The following TMEM161B variants were observed in gnomAD, a reference collection of about 807,000 sequenced individuals.
The protein encoded by TMEM161B is transmembrane protein 161B.
Under a neutral mutation model 61.8 loss-of-function variants are expected in TMEM161B, and 34 were observed. That is an observed-to-expected ratio of 0.55 (90% CI 0.42 to 0.73). The LOEUF (loss-of-function observed/expected upper bound fraction) is 0.73, where lower values mean the gene tolerates loss of function less well. Ranked by LOEUF, TMEM161B falls within the 30% of genes least tolerant of loss-of-function variation. The pLI is 0.00. For missense variants in TMEM161B, 456 were observed against 558.5 expected, an observed-to-expected ratio of 0.82 and a Z score of 1.85; for synonymous variants, 167 against 192.8, an observed-to-expected ratio of 0.87 and a Z score of 1.11.
At chr5:88,209,285 T>C (rs1163485865) in intron 5 of TMEM161B, among the ~76,000 whole-genome samples, 1 of 152,198 alleles carries the variant, frequency 6.6e-6, no homozygotes. Flanking sequence ...TGATCTCTCA[T>C]AGCCTAAATG....
chr5:88,233,830 C>A (rs1458194256), intron 2 of TMEM161B, among the ~76,000 whole-genome samples: 2 of 151,920 alleles, frequency 1.3e-5, no homozygotes, highest in Non-Finnish European at 2.9e-5. Context: ...GTAAAAGTGA[C>A]AGGGCAACTA....
At chr5:88,185,755 C>T (rs1291676036), downstream of TMEM161B, among the ~76,000 whole-genome samples, 2 of 151,960 alleles carry the variant, frequency 1.3e-5, no homozygotes, top group Non-Finnish European at 2.9e-5. Context: ...AAATTGAAAA[C>T]ATAGCATAGC....
intron 5 of TMEM161B, among the ~76,000 whole-genome samples, chr5:88,216,092 T>C (rs996323555): frequency 3.3e-5 from 5 of 152,060 alleles, no homozygotes; most frequent in Admixed American, 2.6e-4. Flanking sequence ...ACCCCATCTC[T>C]ATAAAAATTA....
Position 88,268,777 on chromosome 5 carries a change from A to G in TMEM161B, c.-54T>C. 1 of 1,613,584 alleles carries G rather than the reference A, an allele frequency of 6.2e-7. No individual in the cohort carries two copies. Among genetic ancestry groups the G allele is most frequent in the Non-Finnish European group, 8.5e-7 (1 of 1,179,720 alleles). On this transcript the variant is annotated 5_prime_UTR_variant, in exon 1 of 12. Coordinates refer to ENST00000296595, the MANE Select transcript of TMEM161B (RefSeq NM_153354.5). ...ACCCTGGAGTTGCCGGGGCAGTCCC[A>G]AACCTCTTACCTCCCGGTCCTTGAG...
chr5:88,186,773 A>AT (rs1274019965), downstream of TMEM161B, among the ~76,000 whole-genome samples: 1 of 151,998 alleles, frequency 6.6e-6, no homozygotes, highest in Non-Finnish European at 1.5e-5. Context: ...CTAAAAAAAA[A>AT]AATTAGCCAC....
At chr5:88,222,500 G>C (rs1011787843) in intron 4 of TMEM161B, among the ~76,000 whole-genome samples, 1 of 151,658 alleles carries the variant, frequency 6.6e-6, no homozygotes, top group African/African-American at 2.4e-5. Flanking sequence ...CCCATACTGG[G>C]CTTTCATCTG....
downstream of TMEM161B, among the ~76,000 whole-genome samples, chr5:88,193,262 C>T (rs1414483956): frequency 6.6e-6 from 1 of 151,970 alleles, no homozygotes; most frequent in Admixed American, 6.6e-5. Flanking sequence ...AATAAATTGT[C>T]GCAATCCTAC....
At chr5:88,241,801 C>T (rs940150799) in intron 1 of TMEM161B, among the ~76,000 whole-genome samples, 1 of 151,770 alleles carries the variant, frequency 6.6e-6, no homozygotes, top group African/African-American at 2.4e-5. Context: ...CTTCAAACGT[C>T]TAACTCTCCA....
At chr5:88,229,385 C>T (rs867403845) in intron 2 of TMEM161B, among the ~76,000 whole-genome samples, 28 of 152,222 alleles carry the variant, frequency 1.8e-4, no homozygotes, top group Middle Eastern at 3.4e-3. Context: ...AGTGTATCTT[C>T]CTCTGAACAT....
At position 88,261,730 on chromosome 5, in the gene TMEM161B, C is replaced by CAAA. The variant is rs70996464; in HGVS notation, c.3+6988_3+6990dup. Among the ~76,000 whole-genome samples the CAAA allele has an allele frequency of 5.0e-3, 247 of 49,268 alleles. 8 individuals are homozygous for CAAA. Among genetic ancestry groups the CAAA allele is most frequent in the Non-Finnish European group, 5.9e-3 (169 of 28,694 alleles). The allele number at this position is 49,268 out of a possible 152,430, so 32.3% of individuals were successfully genotyped here. ...ACTGAAACAACTAGACATTCATGTGCAAAAAAAAAAAAAAAAAAAAAGACT... is the reference window on the plus strand; with the variant it reads ...ACTGAAACAACTAGACATTCATGTGCAAAAAAAAAAAAAAAAAAAAAAAAGACT... On this transcript the variant is annotated intron_variant, in intron 1 of 11. Transcript: ENST00000296595.
chr5:88,262,953 T>A (rs1321685293), intron 1 of TMEM161B, among the ~76,000 whole-genome samples: 1 of 152,176 alleles, frequency 6.6e-6, no homozygotes, highest in Non-Finnish European at 1.5e-5. Flanking sequence ...ATCTATTACA[T>A]GAAATTTCAT....
intron 1 of TMEM161B, among the ~76,000 whole-genome samples, chr5:88,253,412 G>A (rs1420705464): frequency 6.6e-6 from 1 of 152,092 alleles, no homozygotes; most frequent in Non-Finnish European, 1.5e-5. Context: ...TGAAATACTG[G>A]TTCACAGAGG....
chr5:88,233,845 T>C (rs1462331212), intron 2 of TMEM161B, among the ~76,000 whole-genome samples: 1 of 152,068 alleles, frequency 6.6e-6, no homozygotes, highest in Admixed American at 6.6e-5. Flanking sequence ...CAACTAGATA[T>C]TAGAATCTGC....
chr5:88,232,178 T>C (rs1360353959), intron 2 of TMEM161B, among the ~76,000 whole-genome samples: 1 of 152,140 alleles, frequency 6.6e-6, no homozygotes, highest in Admixed American at 6.5e-5. Flanking sequence ...AAAAAGGAGA[T>C]TTGTTTACAG....
intron 8 of TMEM161B, 116 bp from the exon 9 acceptor site, chr5:88,203,191 T>G (rs933805207): frequency 4.8e-6 from 3 of 627,206 alleles, no homozygotes; most frequent in Non-Finnish European, 8.5e-6. Context: ...ATTCTACTAC[T>G]TACGATACTA....
intron 1 of TMEM161B, among the ~76,000 whole-genome samples, chr5:88,259,907 A>G (rs1725823474): frequency 1.3e-5 from 2 of 152,204 alleles, no homozygotes; most frequent in African/African-American, 2.4e-5. Context: ...CTCAAGACAA[A>G]CAAAAGACTG....
At chr5:88,214,376 T>C (rs1193482436) in intron 5 of TMEM161B, among the ~76,000 whole-genome samples, 1 of 152,110 alleles carries the variant, frequency 6.6e-6, no homozygotes, top group African/African-American at 2.4e-5. Flanking sequence ...AGAATAGCTT[T>C]CTTCTCACTC....
downstream of TMEM161B, among the ~76,000 whole-genome samples, chr5:88,194,694 T>C (rs935887679): frequency 6.6e-6 from 1 of 152,100 alleles, no homozygotes; most frequent in South Asian, 2.1e-4. Flanking sequence ...TTTGCTATAT[T>C]AAAATTTTCA....
At chr5:88,211,923 A>C (rs186713055) in intron 5 of TMEM161B, among the ~76,000 whole-genome samples, 4 of 152,248 alleles carry the variant, frequency 2.6e-5, no homozygotes, top group Admixed American at 2.6e-4. Flanking sequence ...AAATTTTCTA[A>C]ACTTGATGTT....
Sources: gnomAD v4.1 joint callset for allele counts (sites outside exome capture counted in the v4.1 genomes callset) on GRCh38, gnomAD v4.1.1 for gene constraint, MANE v1.5 for transcripts, NCBI Gene and HGNC (gene_info 2026-07-23, HGNC 2026-07-21) for gene names.